The following WDR7 variants were observed in gnomAD, a reference collection of about 807,000 sequenced individuals.
The protein encoded by WDR7 is WD repeat domain 7, also known as WD repeat-containing protein 7.
In WDR7, 46 loss-of-function variants were observed where a neutral mutation model predicts 169.4. The ratio of observed to expected loss-of-function variants is 0.27; its 90% CI spans 0.21 to 0.35. The LOEUF (loss-of-function observed/expected upper bound fraction) is 0.35. Ranked by LOEUF, WDR7 falls within the 10% of genes least tolerant of loss-of-function variation. The pLI is 1.00. For missense variants in WDR7, 1,534 were observed against 1,859.3 expected, an observed-to-expected ratio of 0.83 and a Z score of 3.22; for synonymous variants, 612 against 666.8, an observed-to-expected ratio of 0.92 and a Z score of 1.27.
intron 25 of WDR7, among the ~76,000 whole-genome samples, chr18:56,947,427 G>A (rs548328685): frequency 2.6e-5 from 4 of 152,202 alleles, no homozygotes; most frequent in Admixed American, 2.0e-4. Flanking sequence ...TTAATTGCCT[G>A]GACTATAAAT....
intron 25 of WDR7, among the ~76,000 whole-genome samples, chr18:56,949,004 T>C (rs1007566233): frequency 1.3e-5 from 2 of 152,196 alleles, no homozygotes; most frequent in African/African-American, 4.8e-5. Flanking sequence ...TCTCTGCATC[T>C]TCTCCACCTA....
intron 20 of WDR7, among the ~76,000 whole-genome samples, chr18:56,844,567 A>G (rs2045539984): frequency 6.6e-6 from 1 of 152,226 alleles, no homozygotes; most frequent in East Asian, 1.9e-4. Context: ...TTTGAGCTTA[A>G]GCTTTTAATT....
chr18:56,756,667 T>C lies in WDR7; in HGVS notation c.2074T>C (p.Phe692Leu), dbSNP rs776074216. Residue 692 changes from phenylalanine to leucine, a missense_variant, in exon 15 of 28, where the codon TTC becomes CTC. Transcript: ENST00000254442. ...NLTDPDIHVL[F>L]FDVEALIIQL... is the part of the protein sequence containing the mutation. ...AACAGACCCGGACATACATGTGCTATTCTTTGATGTGGAAGCGTTGATTAT... is the reference window on the plus strand; with the variant it reads ...AACAGACCCGGACATACATGTGCTACTCTTTGATGTGGAAGCGTTGATTAT... 6.2e-7 allele frequency: 1 copy of C among 1,614,186 alleles called. No individual in the cohort carries two copies. The highest frequency in any genetic ancestry group is 1.1e-5 in the South Asian group (1 of 91,088).
At chr18:56,732,545 A>G (rs1002351311) in intron 14 of WDR7, among the ~76,000 whole-genome samples, 4 of 152,202 alleles carry the variant, frequency 2.6e-5, no homozygotes, top group African/African-American at 9.6e-5. Context: ...GATACATGAA[A>G]TACTGTAGGC....
intron 1 of WDR7, among the ~76,000 whole-genome samples, chr18:56,665,270 G>T (rs977819427): frequency 2.8e-5 from 4 of 144,882 alleles, no homozygotes; most frequent in Non-Finnish European, 6.0e-5. Flanking sequence ...TCCCGCCTGG[G>T]TGACAAGAGT....
chr18:56,848,253 T>C (rs1309673824), intron 20 of WDR7, among the ~76,000 whole-genome samples: 1 of 152,226 alleles, frequency 6.6e-6, no homozygotes, highest in East Asian at 1.9e-4. Flanking sequence ...CAGACTTGCA[T>C]GGGGCCTATT....
chr18:56,661,805 A>G (rs1234607147), intron 1 of WDR7, among the ~76,000 whole-genome samples: 1 of 152,206 alleles, frequency 6.6e-6, no homozygotes, highest in Non-Finnish European at 1.5e-5. Flanking sequence ...ATAGTAGTAT[A>G]ATAAACAGAG....
At chr18:56,772,788 A>T (rs1309286090) in intron 16 of WDR7, among the ~76,000 whole-genome samples, 1 of 151,806 alleles carries the variant, frequency 6.6e-6, no homozygotes, top group African/African-American at 2.4e-5. Flanking sequence ...TGGTTAGGAG[A>T]TGTGGTTTGG....
chr18:56,833,971 A>G (rs117277296), intron 20 of WDR7, among the ~76,000 whole-genome samples: 41 of 152,334 alleles, frequency 2.7e-4, no homozygotes, highest in Non-Finnish European at 5.0e-4. Flanking sequence ...CTAGGACACA[A>G]AAGGCTTCAG....
intron 1 of WDR7, among the ~76,000 whole-genome samples, chr18:56,671,158 T>G (rs957132111): frequency 6.6e-6 from 1 of 152,222 alleles, no homozygotes; most frequent in Non-Finnish European, 1.5e-5. Flanking sequence ...TTTTCTTTAA[T>G]GGAGAAATGA....
rs2047110625 is a variant in WDR7 at position 56,946,849 on chromosome 18, T to C, written c.4064+7456T>C. Among the ~76,000 whole-genome samples, 4 of 152,236 alleles carry C rather than the reference T, an allele frequency of 2.6e-5. No homozygotes were observed. The South Asian group carries it at 8.3e-4, about 32-fold the overall frequency. On this transcript the variant is annotated intron_variant, in intron 25 of 27. Transcript: ENST00000254442. The stretch of plus-strand genomic sequence containing the variant: ...CATTTTTTGTATTAACTGAAATACT[T>C]TAGCTCTTCCTGGAGTTGTTTACGT...
At chr18:56,678,596 A>T (rs926068706) in intron 2 of WDR7, among the ~76,000 whole-genome samples, 3 of 152,058 alleles carry the variant, frequency 2.0e-5, no homozygotes, top group Non-Finnish European at 2.9e-5. Context: ...TCCTGGGTTC[A>T]AGCGATTCTC....
At chr18:56,685,854 A>G (rs2025432607) in intron 5 of WDR7, 102 bp from the exon 6 acceptor site, 1 of 903,892 alleles carries the variant, frequency 1.1e-6, no homozygotes, top group Middle Eastern at 2.3e-4. Flanking sequence ...TAATTGTAAA[A>G]CATGCTATTG....
intron 25 of WDR7, among the ~76,000 whole-genome samples, chr18:56,942,443 A>T (rs1599177854): frequency 6.6e-6 from 1 of 152,176 alleles, no homozygotes; most frequent in African/African-American, 2.4e-5. Context: ...TGGTTTCTTT[A>T]TGCAGCTGTG....
intron 14 of WDR7, among the ~76,000 whole-genome samples, chr18:56,740,362 A>G (rs1380792617): frequency 1.3e-5 from 2 of 152,032 alleles, no homozygotes; most frequent in African/African-American, 4.8e-5. Context: ...TAAAATCTTT[A>G]TCTGCCAACT....
At chr18:56,986,284 A>G (rs1005561734) in intron 26 of WDR7, among the ~76,000 whole-genome samples, 1 of 152,066 alleles carries the variant, frequency 6.6e-6, no homozygotes, top group Non-Finnish European at 1.5e-5. Flanking sequence ...CACCACTTTA[A>G]GATGTTTAAA....
chr18:56,824,722 G>A (rs993752308), intron 20 of WDR7, among the ~76,000 whole-genome samples: 3 of 152,108 alleles, frequency 2.0e-5, no homozygotes, highest in Admixed American at 1.3e-4. Flanking sequence ...AATGAGACTG[G>A]GAACACATCT....
chr18:56,770,759 G>A (rs1568185075), intron 16 of WDR7, among the ~76,000 whole-genome samples: 1 of 151,860 alleles, frequency 6.6e-6, no homozygotes, highest in Non-Finnish European at 1.5e-5. Flanking sequence ...ATTTCCCTTA[G>A]TTTTTTGTGG....
chr18:56,653,476 G>C (rs2144393458), intron 1 of WDR7, among the ~76,000 whole-genome samples: 1 of 152,226 alleles, frequency 6.6e-6, no homozygotes, highest in Non-Finnish European at 1.5e-5. Flanking sequence ...CAAAGTGCTG[G>C]GATTACAGGT....
Sources: gnomAD v4.1 joint callset for allele counts (sites outside exome capture counted in the v4.1 genomes callset) on GRCh38, gnomAD v4.1.1 for gene constraint, MANE v1.5 for transcripts, NCBI Gene and HGNC (gene_info 2026-07-23, HGNC 2026-07-21) for gene names.